RNF149: variants seen among roughly 807,000 people sequenced by gnomAD.
The protein encoded by RNF149 is ring finger protein 149.
Under a neutral mutation model 39.0 loss-of-function variants are expected in RNF149, and 21 were observed. The observed-to-expected ratio is 0.54, with a 90% CI of 0.38 to 0.77. The LOEUF is 0.77. Among genes scored for constraint, RNF149 ranks in the 30% least tolerant of loss-of-function variants. The pLI is 0.00. For missense variants in RNF149, 493 were observed against 534.9 expected (o/e 0.92, Z 0.77); for synonymous variants, 209 against 213.6 (o/e 0.98, Z 0.19).
intron 1 of RNF149, among the ~76,000 whole-genome samples, chr2:101,300,397 A>C (rs911473100): frequency 6.6e-6 from 1 of 152,348 alleles, no homozygotes; most frequent in East Asian, 1.9e-4. Context: ...GGGAAGTGAT[A>C]CTGCCGCAAC....
In RNF149 at chr2:101,308,238, G is replaced by A. The variant is rs368643603; in HGVS notation, c.351C>T (p.Gly117=). 38 of 1,598,218 alleles carry A rather than the reference G, an allele frequency of 2.4e-5. No individual in the cohort carries two copies. Among genetic ancestry groups the A allele is most frequent in the Non-Finnish European group, 3.1e-5 (36 of 1,174,206 alleles). Residue 117 remains glycine (G), a synonymous_variant, in exon 1 of 7, where the codon GGC becomes GGT. Coordinates refer to ENST00000295317, the MANE Select transcript of RNF149 (RefSeq NM_173647.4). Reference sequence around the variant, plus strand: ...CCAGCACCTTGTCCTTGAAGGTGCAGCCCCCACGAGCCACCAGGGCGACCC... The same window carrying A: ...CCAGCACCTTGTCCTTGAAGGTGCAACCCCCACGAGCCACCAGGGCGACCC... ...APWVALVARG[G]CTFKDKVLVA...
At chr2:101,293,965 A>G (rs1558788182) in intron 3 of RNF149, 49 bp downstream of exon 3, 11 of 1,088,992 alleles carry the variant, frequency 1.0e-5, no homozygotes, top group Non-Finnish European at 1.4e-5. Flanking sequence ...CGTACAGCAT[A>G]TTCTCTACTC....
At chr2:101,294,680 A>T (rs1209602403) in intron 2 of RNF149, 1 of 392,122 alleles carries the variant, frequency 2.6e-6, no homozygotes, top group Non-Finnish European at 4.6e-6. Context: ...GGGTCTGGCA[A>T]GGGACTAAGA....
chr2:101,273,471 TGTTTC>T (rs1682215213), downstream of RNF149: 1 of 399,396 alleles, frequency 2.5e-6, no homozygotes, highest in African/African-American at 2.1e-5. Flanking sequence ...TTGTAATATT[TGTTTC>T]TTTTTTTTTT....
At chr2:101,285,331 T>C (rs1386212611) in intron 5 of RNF149, among the ~76,000 whole-genome samples, 3 of 152,296 alleles carry the variant, frequency 2.0e-5, no homozygotes, top group South Asian at 4.1e-4. Flanking sequence ...GGTAGGGTAA[T>C]AGTTAAGTGC....
At chr2:101,279,541 G>A (rs1322773712) in intron 6 of RNF149, among the ~76,000 whole-genome samples, 1 of 152,106 alleles carries the variant, frequency 6.6e-6, no homozygotes, top group Admixed American at 6.6e-5. Flanking sequence ...AAATCACACT[G>A]GTATGCACTC....
chr2:101,276,027 T>A lies in RNF149; in HGVS notation c.*1211A>T, dbSNP rs923853766. The A allele has an allele frequency of 9.1e-6, 8 of 881,332 alleles. No individual in the cohort carries two copies. In the African/African-American group the frequency reaches 1.3e-4, roughly 14 times the overall value. 54.6% of individuals were successfully genotyped at this position (881,332 alleles called of 1,614,324 possible). ...TAAAGCATTAAGTAGCTTGAGAAAA[T>A]AATCTATATAAATCTTTATATCCTA... On this transcript the variant is annotated 3_prime_UTR_variant, in exon 7 of 7. Coordinates refer to ENST00000295317, the MANE Select transcript of RNF149 (RefSeq NM_173647.4).
chr2:101,307,077 A>G (rs1283499343), intron 1 of RNF149, among the ~76,000 whole-genome samples: 4 of 152,260 alleles, frequency 2.6e-5, no homozygotes, highest in African/African-American at 9.6e-5. Flanking sequence ...ACTTAGTTTC[A>G]AGGACATTTT....
At chr2:101,271,927 G>C (rs12611674), downstream of RNF149, among the ~76,000 whole-genome samples, 666 of 152,280 alleles carry the variant, frequency 4.4e-3, 13 homozygotes, top group East Asian at 0.074. Context: ...ACCTAATTTT[G>C]AGTAGCACAC....
At position 101,295,070 on chromosome 2, in the gene RNF149, T is replaced by C. The variant is rs1446163713; in HGVS notation, c.572A>G (p.His191Arg). ...CTGACCGCTGATGAACTCCTGTACATGCCGGGTGCCAACCCCTATGGTCAT... is the reference window on the plus strand; with the variant it reads ...CTGACCGCTGATGAACTCCTGTACACGCCGGGTGCCAACCCCTATGGTCAT... ...VTMTIGVGTR[H>R]VQEFISGQSV... The change falls in exon 2 of 7, where the codon CAT (histidine) becomes CGT (arginine). Residue 191 changes from histidine to arginine, a missense_variant. Transcript: ENST00000295317. 2 of 1,614,174 alleles carry C rather than the reference T, an allele frequency of 1.2e-6. No individual in the cohort carries two copies. Among genetic ancestry groups the C allele is most frequent in the East Asian group, 2.2e-5 (1 of 44,878 alleles).
intron 1 of RNF149, among the ~76,000 whole-genome samples, chr2:101,295,454 G>A (rs1490169726): frequency 3.3e-5 from 5 of 152,048 alleles, no homozygotes; most frequent in Admixed American, 3.3e-4. Flanking sequence ...TAGGTGAGGA[G>A]TTTGAGAACA....
chr2:101,278,832 A>G (rs1573219014), intron 6 of RNF149, among the ~76,000 whole-genome samples: 1 of 152,074 alleles, frequency 6.6e-6, no homozygotes, highest in Non-Finnish European at 1.5e-5. Context: ...ACCCAACCAA[A>G]TATTTTGCAC....
chr2:101,304,485 C>T (rs1193399002), intron 1 of RNF149, among the ~76,000 whole-genome samples: 1 of 152,138 alleles, frequency 6.6e-6, no homozygotes, highest in Non-Finnish European at 1.5e-5. Flanking sequence ...AGGTCCAAAC[C>T]ATATTGTCTG....
chr2:101,294,006 A>T lies in RNF149; in HGVS notation c.780+8T>A. 1 of 1,523,254 alleles carries T rather than the reference A, an allele frequency of 6.6e-7. No individual in the cohort carries two copies. Among genetic ancestry groups the T allele is most frequent in the South Asian group, 1.2e-5 (1 of 85,748 alleles). The allele number at this position is 1,523,254 out of a possible 1,614,324, so 94.4% of individuals were successfully genotyped here. A position where few individuals can be genotyped will look rare whatever the true frequency, so the allele number is the denominator to read the frequency against. The stretch of plus-strand genomic sequence containing the variant: ...CACAAAACAAAAGAAAAACCATGAA[A>T]ATATTACCTTTTCTCCATGCTTTAC... On this transcript the variant is annotated splice_region_variant and intron_variant, in intron 3 of 6. Transcript: ENST00000295317.
Position 101,289,007 on chromosome 2 carries a change from T to A in RNF149, c.829A>T (p.Lys277Ter). 2.5e-6 allele frequency: 4 copies of A among 1,591,562 alleles called. No homozygotes were observed. The highest frequency in any genetic ancestry group is 3.4e-6 in the Non-Finnish European group (4 of 1,161,098). ...ENCAVCIENF[K>*]VKDIIRILPC... ...AGAATTCTAATAATATCCTTTACTT[T>A]GAAATTTTCAATACACACTGCACAA... is the stretch of plus-strand genomic sequence containing the variant. The change falls in exon 4 of 7, where the codon AAA becomes TAA. Residue 277 changes from lysine (K) to a stop codon, truncating the protein, a stop_gained. Coordinates refer to ENST00000295317, the MANE Select transcript of RNF149 (RefSeq NM_173647.4). LOFTEE classifies it high-confidence loss of function.
At chr2:101,280,409 CTA>C (rs537473345) in intron 6 of RNF149, among the ~76,000 whole-genome samples, 42 of 152,144 alleles carry the variant, frequency 2.8e-4, no homozygotes, top group Middle Eastern at 3.4e-3. Flanking sequence ...ACACCTTAAA[CTA>C]TATGTGTTTA....
intron 1 of RNF149, among the ~76,000 whole-genome samples, chr2:101,303,096 C>T (rs1683516695): frequency 6.6e-6 from 1 of 151,900 alleles, no homozygotes; most frequent in Admixed American, 6.6e-5. Context: ...TGCCATTTGT[C>T]TTCCTATAGC....
intron 1 of RNF149, chr2:101,307,898 C>T: frequency 1.0e-6 from 1 of 985,452 alleles, no homozygotes; most frequent in Non-Finnish European, 1.2e-6. Flanking sequence ...CTCCCTTCAC[C>T]TCATCGATCA....
chr2:101,303,195 A>G (rs1202645273), intron 1 of RNF149, among the ~76,000 whole-genome samples: 3 of 151,944 alleles, frequency 2.0e-5, no homozygotes, highest in African/African-American at 7.3e-5. Context: ...GGCTCACTGC[A>G]ACCTCTGCCT....
Sources: gnomAD v4.1 joint callset for allele counts (sites outside exome capture counted in the v4.1 genomes callset) on GRCh38, gnomAD v4.1.1 for gene constraint, MANE v1.5 for transcripts, NCBI Gene and HGNC (gene_info 2026-07-23, HGNC 2026-07-21) for gene names.